NCKAP5: variants seen among roughly 807,000 people sequenced by gnomAD.
The protein encoded by NCKAP5 is nck-associated protein 5.
NCKAP5 carries 92 observed loss-of-function variants against 167.0 expected under a neutral mutation model. The observed-to-expected ratio is 0.55, with a 90% CI of 0.47 to 0.66. The LOEUF (loss-of-function observed/expected upper bound fraction) is 0.66, where lower values mean the gene tolerates loss of function less well. Among genes scored for constraint, NCKAP5 ranks in the 30% least tolerant of loss-of-function variants. NCKAP5 has a pLI of 0.00. For synonymous variants in NCKAP5, 891 were observed against 877.4 expected, an observed-to-expected ratio of 1.02 and a Z score of -0.27; for missense variants, 2,378 against 2,315.0, an observed-to-expected ratio of 1.03 and a Z score of -0.56.
intron 3 of NCKAP5, among the ~76,000 whole-genome samples, chr2:133,498,174 C>T (rs529350080): frequency 2.2e-4 from 33 of 152,112 alleles, no homozygotes; most frequent in Non-Finnish European, 4.3e-4. Flanking sequence ...AAAGCTTAGC[C>T]TTTGAGAGCT....
At chr2:133,046,611 T>C (rs970189777) in intron 6 of NCKAP5, among the ~76,000 whole-genome samples, 8 of 152,076 alleles carry the variant, frequency 5.3e-5, no homozygotes. Flanking sequence ...AATCCTGGGC[T>C]CATGCAATTC....
At chr2:133,529,053 C>G (rs751721489) in intron 2 of NCKAP5, among the ~76,000 whole-genome samples, 10 of 152,312 alleles carry the variant, frequency 6.6e-5, no homozygotes, top group Non-Finnish European at 1.3e-4. Context: ...CACATTTTCT[C>G]TTGTGAGAAA....
intron 3 of NCKAP5, among the ~76,000 whole-genome samples, chr2:133,341,442 T>G (rs1365050564): frequency 6.6e-6 from 1 of 152,136 alleles, no homozygotes; most frequent in Non-Finnish European, 1.5e-5. Context: ...AAATACATAA[T>G]TCAAAGAAGA....
chr2:133,669,837 A>G, the NCKAP5 span, among the ~76,000 whole-genome samples: 85,060 of 152,034 alleles, frequency 0.56, 25,239 homozygotes, highest in East Asian at 0.79. Context: ...CTACTTCTTC[A>G]AAACACTTAT....
chr2:133,608,537 T>A, the NCKAP5 span, among the ~76,000 whole-genome samples: 1,141 of 152,252 alleles, frequency 7.5e-3, 14 homozygotes, highest in African/African-American at 0.025. Context: ...AGACAGGGCT[T>A]TGTGGAGTGA....
intron 3 of NCKAP5, among the ~76,000 whole-genome samples, chr2:133,335,075 C>T (rs75816948): frequency 2.0e-5 from 3 of 152,144 alleles, no homozygotes; most frequent in South Asian, 2.1e-4. Flanking sequence ...AAGTTTCACA[C>T]GGCCCAGTGG....
intron 4 of NCKAP5, among the ~76,000 whole-genome samples, chr2:133,230,153 C>T (rs1009613281): frequency 3.3e-5 from 5 of 152,130 alleles, no homozygotes; most frequent in African/African-American, 1.2e-4. Flanking sequence ...TTATGATCAG[C>T]AATGGTCAAG....
intron 3 of NCKAP5, among the ~76,000 whole-genome samples, chr2:133,477,386 C>T (rs752409731): frequency 7.9e-5 from 12 of 152,186 alleles, no homozygotes; most frequent in Non-Finnish European, 1.3e-4. Context: ...TCAGCTTGAA[C>T]ATTCTGCTCT....
the NCKAP5 span, among the ~76,000 whole-genome samples, chr2:133,604,021 T>A: frequency 6.6e-6 from 1 of 152,142 alleles, no homozygotes. Context: ...AGGCAGGAGC[T>A]ATTAAAGACC....
At chr2:133,223,533 A>G (rs2086747482) in intron 4 of NCKAP5, among the ~76,000 whole-genome samples, 1 of 152,218 alleles carries the variant, frequency 6.6e-6, no homozygotes, top group Non-Finnish European at 1.5e-5. Context: ...TCCATGGCAG[A>G]TCATTTAATT....
chr2:133,330,051 AC>A (rs1285674988), intron 3 of NCKAP5, among the ~76,000 whole-genome samples: 2 of 114,252 alleles, frequency 1.8e-5, no homozygotes, highest in South Asian at 2.9e-4. Flanking sequence ...AGAAAGCAAG[AC>A]CTTTTTTTTT....
At chr2:133,625,168 A>C in the NCKAP5 span, among the ~76,000 whole-genome samples, 1 of 152,234 alleles carries the variant, frequency 6.6e-6, no homozygotes, top group Non-Finnish European at 1.5e-5. Flanking sequence ...GTTGTCATTG[A>C]AAAGTCATTC....
intron 3 of NCKAP5, among the ~76,000 whole-genome samples, chr2:133,495,794 A>AT (rs1681892676): frequency 6.6e-6 from 1 of 152,200 alleles, no homozygotes; most frequent in Admixed American, 6.5e-5. Flanking sequence ...CCAGCTGAAA[A>AT]TTACATTTTA....
rs543608043 is a variant in NCKAP5 at position 132,933,050 on chromosome 2, G to A, written c.579+30670C>T. 5.3e-5 allele frequency among the ~76,000 whole-genome samples: 8 copies of A among 150,002 alleles called. No homozygotes were observed. The East Asian group carries it at 8.0e-4, about 15-fold the overall frequency. On this transcript the variant is annotated intron_variant, in intron 8 of 19. Transcript: ENST00000409261. ...CGCCATTCTCCTGCCTCAGCCTCCCGAGCAGCTGGGACTACAGGCACCTGC... is the reference window on the plus strand; with the variant it reads ...CGCCATTCTCCTGCCTCAGCCTCCCAAGCAGCTGGGACTACAGGCACCTGC...
At chr2:133,282,090 C>T (rs554098615) in intron 4 of NCKAP5, among the ~76,000 whole-genome samples, 26 of 152,200 alleles carry the variant, frequency 1.7e-4, no homozygotes, top group Admixed American at 4.6e-4. Context: ...TAATGATTAA[C>T]GACCCAGCCC....
intron 7 of NCKAP5, among the ~76,000 whole-genome samples, chr2:132,973,248 G>T (rs1007763766): frequency 6.6e-6 from 1 of 152,096 alleles, no homozygotes; most frequent in Non-Finnish European, 1.5e-5. Context: ...TATCACACTC[G>T]GACACACCTT....
chr2:132,932,717 T>C (rs2149062994), intron 8 of NCKAP5, among the ~76,000 whole-genome samples: 1 of 152,198 alleles, frequency 6.6e-6, no homozygotes, highest in South Asian at 2.1e-4. Flanking sequence ...CCCCTGAATA[T>C]ACATCCTAGA....
intron 3 of NCKAP5, among the ~76,000 whole-genome samples, chr2:133,430,334 T>G (rs572755101): frequency 6.6e-6 from 1 of 152,308 alleles, no homozygotes; most frequent in South Asian, 2.1e-4. Flanking sequence ...GTCTGTTTAC[T>G]CTGTTGAGAG....
chr2:133,545,484 A>G (rs910358502), intron 2 of NCKAP5, among the ~76,000 whole-genome samples: 3 of 152,120 alleles, frequency 2.0e-5, no homozygotes, highest in African/African-American at 7.2e-5. Context: ...AAAAATATGC[A>G]TATTTGTTTC....
Sources: gnomAD v4.1 joint callset for allele counts (sites outside exome capture counted in the v4.1 genomes callset) on GRCh38, gnomAD v4.1.1 for gene constraint, MANE v1.5 for transcripts, NCBI Gene and HGNC (gene_info 2026-07-23, HGNC 2026-07-21) for gene names.